Variants in AZIN1 observed in about 807,000 individuals in gnomAD.
AZIN1 encodes ornithine decarboxylase antizyme inhibitor.
AZIN1 carries 12 observed loss-of-function variants against 47.4 expected under a neutral mutation model. That is an observed-to-expected ratio of 0.25 (90% CI 0.16 to 0.41). The LOEUF (loss-of-function observed/expected upper bound fraction) is 0.41. Among genes scored for constraint, AZIN1 ranks in the 10% least tolerant of loss-of-function variants. The pLI, the probability that AZIN1 is intolerant of heterozygous loss-of-function variation, is 1.00. For missense variants in AZIN1, 410 were observed against 532.4 expected (o/e 0.77, Z 2.26); for synonymous variants, 155 against 176.3 (o/e 0.88, Z 0.96).
At position 102,862,396 on chromosome 8, in the gene AZIN1, T is replaced by C. The variant is rs188275976; in HGVS notation, c.-234+1411A>G. 1.7e-3 allele frequency among the ~76,000 whole-genome samples: 252 copies of C among 152,244 alleles called. 1 individual carries two copies. Among genetic ancestry groups the C allele is most frequent in the African/African-American group, 5.8e-3 (242 of 41,540 alleles). On this transcript the variant is annotated intron_variant, in intron 1 of 11. Transcript: ENST00000337198. ...CTTTTTCACCTTCTGTTTGAAAACG[T>C]ATGTGATAAAACCTTGGGGGAGAAA...
chr8:102,840,276 G>A (rs190849190), intron 3 of AZIN1, among the ~76,000 whole-genome samples: 11 of 152,208 alleles, frequency 7.2e-5, no homozygotes, highest in East Asian at 1.9e-4. Flanking sequence ...GCTATATATC[G>A]CCATTAAAAC....
chr8:102,857,911 G>A, intron 2 of AZIN1, 102 bp downstream of exon 2: 1 of 397,162 alleles, frequency 2.5e-6, no homozygotes, highest in Non-Finnish European at 4.4e-6. Flanking sequence ...TGCACTTTAA[G>A]AGGTAAATGC....
chr8:102,847,220 T>C (rs990465842), intron 2 of AZIN1, among the ~76,000 whole-genome samples: 6 of 152,126 alleles, frequency 3.9e-5, no homozygotes, highest in Non-Finnish European at 8.8e-5. Context: ...TTAACATTTG[T>C]TTTCTTTCAT....
intron 3 of AZIN1, among the ~76,000 whole-genome samples, chr8:102,842,837 G>A (rs1254097322): frequency 6.6e-6 from 1 of 152,000 alleles, no homozygotes; most frequent in Non-Finnish European, 1.5e-5. Context: ...AACGCAGGAG[G>A]CAGAGGTCAC....
At chr8:102,831,082 G>T (rs1369092579) in intron 9 of AZIN1, among the ~76,000 whole-genome samples, 2 of 152,170 alleles carry the variant, frequency 1.3e-5, no homozygotes, top group Non-Finnish European at 2.9e-5. Context: ...GCTCCCTGGA[G>T]AAACAACTGA....
At chr8:102,850,212 C>T (rs1586192717) in intron 2 of AZIN1, 1 of 152,204 alleles carries the variant, frequency 6.6e-6, no homozygotes, top group East Asian at 1.9e-4. Flanking sequence ...GCAGGAAACC[C>T]AACCTTAATA....
intron 3 of AZIN1, among the ~76,000 whole-genome samples, chr8:102,840,763 GA>G (rs1812128446): frequency 6.6e-6 from 1 of 152,198 alleles, no homozygotes; most frequent in African/African-American, 2.4e-5. Flanking sequence ...GAGAATCCAT[GA>G]AGACAATGTT....
In AZIN1 at chr8:102,843,170, C is replaced by T. The variant is rs543532142; in HGVS notation, c.102+381G>A. 2.8e-5 allele frequency among the ~76,000 whole-genome samples: 4 copies of T among 142,826 alleles called. No homozygotes were observed. In the South Asian group the frequency reaches 8.8e-4, roughly 31 times the overall value. 93.7% of individuals were successfully genotyped at this position (142,826 alleles called of 152,430 possible). A position where few individuals can be genotyped will look rare whatever the true frequency, so the allele number is the denominator to read the frequency against. ...CACGTGAGCCAAGATCACGCCACTGCACTCCAGCCTGGGCGACAGCGTGAG... is the reference window on the plus strand; with the variant it reads ...CACGTGAGCCAAGATCACGCCACTGTACTCCAGCCTGGGCGACAGCGTGAG... On this transcript the variant is annotated intron_variant, in intron 3 of 11. Coordinates refer to ENST00000337198, the MANE Select transcript of AZIN1 (RefSeq NM_148174.4).
chr8:102,836,510 G>T, intron 5 of AZIN1, 120 bp from the exon 6 acceptor site: 1 of 1,081,120 alleles, frequency 9.2e-7, no homozygotes, highest in Non-Finnish European at 1.4e-6. Flanking sequence ...TCCAGCGACG[G>T]ATGAATCAAG....
intron 2 of AZIN1, 126 bp downstream of exon 2, chr8:102,857,887 A>C (rs1316923633): frequency 2.5e-6 from 1 of 395,918 alleles, no homozygotes; most frequent in Non-Finnish European, 4.4e-6. Context: ...CTATTTCAGA[A>C]ATTTAAAAGT....
chr8:102,856,384 C>T (rs1162656500), intron 2 of AZIN1, among the ~76,000 whole-genome samples: 3 of 152,164 alleles, frequency 2.0e-5, no homozygotes, highest in Admixed American at 2.0e-4. Flanking sequence ...CTTCTATCTG[C>T]TCCCATTCCC....
intron 2 of AZIN1, chr8:102,855,780 A>C (rs1813245296): frequency 1.3e-5 from 2 of 152,240 alleles, no homozygotes; most frequent in African/African-American, 4.8e-5. Context: ...TCGGTGTCCA[A>C]TAGAGCAAAC....
chr8:102,831,937 A>C (rs1229111905), intron 9 of AZIN1, among the ~76,000 whole-genome samples: 4 of 152,136 alleles, frequency 2.6e-5, no homozygotes, highest in Non-Finnish European at 5.9e-5. Context: ...CCTGGGCGAC[A>C]AAACAACAAG....
At chr8:102,829,203 T>TA (rs1177523256) in intron 11 of AZIN1, 69 bp downstream of exon 11, 1 of 1,328,750 alleles carries the variant, frequency 7.5e-7, no homozygotes, top group African/African-American at 1.5e-5. Context: ...ATTACAGAAT[T>TA]AAAACTTATT....
chr8:102,859,097 C>T (rs1160536841), intron 1 of AZIN1: 2 of 150,572 alleles, frequency 1.3e-5, no homozygotes, highest in African/African-American at 2.5e-5. Flanking sequence ...AGGATCAAGG[C>T]ACTCCTGGTG....
intron 1 of AZIN1, among the ~76,000 whole-genome samples, chr8:102,860,660 T>C (rs1813587961): frequency 6.6e-6 from 1 of 152,246 alleles, no homozygotes; most frequent in Non-Finnish European, 1.5e-5. Flanking sequence ...GTGCTGGGAT[T>C]ACAGGTGCAA....
At chr8:102,862,998 G>T (rs924414765) in intron 1 of AZIN1, among the ~76,000 whole-genome samples, 2 of 152,312 alleles carry the variant, frequency 1.3e-5, no homozygotes, top group Non-Finnish European at 2.9e-5. Flanking sequence ...ACCATGGCGC[G>T]GACGGAAAAA....
At chr8:102,829,244 C>A in intron 11 of AZIN1, 28 bp downstream of exon 11, 1 of 1,570,690 alleles carries the variant, frequency 6.4e-7, no homozygotes, top group South Asian at 1.1e-5. Context: ...TCAAATATCC[C>A]ATCTGCCTTA....
At chr8:102,843,102 G>C (rs1365026815) in intron 3 of AZIN1, among the ~76,000 whole-genome samples, 1 of 150,758 alleles carries the variant, frequency 6.6e-6, no homozygotes, top group African/African-American at 2.4e-5. Flanking sequence ...AGCTAATTCA[G>C]GAGGCTGAGA....
Sources: gnomAD v4.1 joint callset for allele counts (sites outside exome capture counted in the v4.1 genomes callset) on GRCh38, gnomAD v4.1.1 for gene constraint, MANE v1.5 for transcripts, NCBI Gene and HGNC (gene_info 2026-07-23, HGNC 2026-07-21) for gene names.